The following VSTM2L variants were observed in gnomAD, a reference collection of about 807,000 sequenced individuals.
The protein encoded by VSTM2L is V-set and transmembrane domain containing 2 like.
VSTM2L carries 9 observed loss-of-function variants against 19.9 expected under a neutral mutation model. The ratio of observed to expected loss-of-function variants is 0.45; its 90% CI spans 0.27 to 0.79. The LOEUF (loss-of-function observed/expected upper bound fraction) is 0.79. VSTM2L is among the 30% of genes least tolerant of loss of function. VSTM2L has a pLI of 0.15. For synonymous variants in VSTM2L, 127 were observed against 133.8 expected, an observed-to-expected ratio of 0.95 and a Z score of 0.35; for missense variants, 286 against 295.5, an observed-to-expected ratio of 0.97 and a Z score of 0.24.
chr20:37,941,948 CAAAAA>C (rs1401689888), intron 3 of VSTM2L, among the ~76,000 whole-genome samples: 1 of 146,372 alleles, frequency 6.8e-6, no homozygotes, highest in Non-Finnish European at 1.5e-5. Context: ...GGAAAAGTTT[CAAAAA>C]TAGGTCATTA....
At chr20:37,914,357 G>GGGGA (rs1568835215) in intron 1 of VSTM2L, among the ~76,000 whole-genome samples, 1 of 148,766 alleles carries the variant, frequency 6.7e-6, no homozygotes, top group Non-Finnish European at 1.5e-5. Context: ...ATGTGTGTGG[G>GGGGA]GTGTTTATAT....
intron 3 of VSTM2L, among the ~76,000 whole-genome samples, chr20:37,934,556 C>T (rs931384148): frequency 2.0e-5 from 3 of 152,164 alleles, no homozygotes; most frequent in South Asian, 2.1e-4. Context: ...TCCTCGCATG[C>T]GCATGGCGGG....
At chr20:37,916,486 C>T (rs187895921) in intron 1 of VSTM2L, among the ~76,000 whole-genome samples, 1 of 152,366 alleles carries the variant, frequency 6.6e-6, no homozygotes, top group East Asian at 1.9e-4. Context: ...CCTTAAATCT[C>T]CCTAGATTTG....
intron 1 of VSTM2L, among the ~76,000 whole-genome samples, chr20:37,930,210 A>G (rs2072900682): frequency 1.3e-5 from 2 of 152,204 alleles, no homozygotes; most frequent in Admixed American, 1.3e-4. Flanking sequence ...CAGAGGAGAA[A>G]CGGCAGAAGT....
chr20:37,929,067 G>T (rs528283442), intron 1 of VSTM2L, among the ~76,000 whole-genome samples: 43 of 152,326 alleles, frequency 2.8e-4, no homozygotes, highest in Non-Finnish European at 5.3e-4. Flanking sequence ...TGATGATGGC[G>T]TTGGAGGGAA....
chr20:37,903,227 G>A lies in VSTM2L; in HGVS notation c.-124G>A. On this transcript the variant is annotated 5_prime_UTR_variant, in exon 1 of 4. Transcript: ENST00000373461. Reference sequence around the variant, plus strand: ...GAGCTGGGCCGGGTCCGGGGACAGCGGGCGAGGGGCAGCTGCCGGAGCCGG... The same window carrying A: ...GAGCTGGGCCGGGTCCGGGGACAGCAGGCGAGGGGCAGCTGCCGGAGCCGG... 4.2e-6 allele frequency: 5 copies of A among 1,181,872 alleles called. No homozygotes were observed. The highest frequency in any genetic ancestry group is 6.5e-4 in the Middle Eastern group (2 of 3,084). 73.2% of individuals were successfully genotyped at this position (1,181,872 alleles called of 1,614,324 possible).
chr20:37,920,763 G>T (rs1015878879), intron 1 of VSTM2L, among the ~76,000 whole-genome samples: 5 of 152,204 alleles, frequency 3.3e-5, no homozygotes, highest in African/African-American at 1.2e-4. Flanking sequence ...CTCCAATCTG[G>T]CACATAGTAG....
In VSTM2L at chr20:37,903,372, G is replaced by A. The variant is rs1203422976; in HGVS notation, c.22G>A (p.Ala8Thr). The A allele has an allele frequency of 4.1e-6, 6 of 1,480,798 alleles. No individual in the cohort carries two copies. The Admixed American group carries it at 1.2e-4, about 29-fold the overall frequency. 91.7% of individuals were successfully genotyped at this position (1,480,798 alleles called of 1,614,324 possible). Residue 8 changes from alanine to threonine, a missense_variant, in exon 1 of 4, where the codon GCG becomes ACG. Transcript: ENST00000373461. ...CACGATGGGGGCCCCGCTCGCCGTA[G>A]CGCTGGGCGCCCTCCACTACCTGGC... MGAPLAVALGALHYLALF... is the reference protein window; with the variant it reads MGAPLAVTLGALHYLALF...
In VSTM2L at chr20:37,919,612, G is replaced by A. The variant is rs578030247; in HGVS notation, c.122-12023G>A. Among the ~76,000 whole-genome samples the A allele has an allele frequency of 1.1e-3, 175 of 152,336 alleles. 1 individual carries two copies. In the South Asian group the frequency reaches 0.013, roughly 12 times the overall value. On this transcript the variant is annotated intron_variant, in intron 1 of 3. Coordinates refer to ENST00000373461, the MANE Select transcript of VSTM2L (RefSeq NM_080607.3). Reference sequence around the variant, plus strand: ...GGGAGAGCTCTTACTCTGCTTCCCAGCTGGGAGGCAAGGTGGCCACAGGCC... The same window carrying A: ...GGGAGAGCTCTTACTCTGCTTCCCAACTGGGAGGCAAGGTGGCCACAGGCC...
chr20:37,907,979 T>G (rs1164126093), intron 1 of VSTM2L, among the ~76,000 whole-genome samples: 1 of 152,214 alleles, frequency 6.6e-6, no homozygotes, highest in Non-Finnish European at 1.5e-5. Flanking sequence ...AATTGAGTCC[T>G]GTCTTCCAAA....
intron 3 of VSTM2L, among the ~76,000 whole-genome samples, chr20:37,934,061 AGCCACACTCTGTAAGAAGG>A (rs1010874771): frequency 2.0e-5 from 3 of 152,246 alleles, no homozygotes; most frequent in African/African-American, 7.2e-5. Flanking sequence ...ATTTGTCAAT[AGCCACACTCTGTAAGAAGG>A]GCCAAGCATT....
chr20:37,934,068 C>T (rs2072926097), intron 3 of VSTM2L, among the ~76,000 whole-genome samples: 1 of 152,378 alleles, frequency 6.6e-6, no homozygotes, highest in Non-Finnish European at 1.5e-5. Context: ...AATAGCCACA[C>T]TCTGTAAGAA....
At position 37,944,270 on chromosome 20, in the gene VSTM2L, C is replaced by T. The variant is rs2072994250; in HGVS notation, c.*17C>T. The T allele has an allele frequency of 2.0e-6, 3 of 1,470,202 alleles. No homozygotes were observed. The highest frequency in any genetic ancestry group is 2.7e-6 in the Non-Finnish European group (3 of 1,103,374). 91.1% of individuals were successfully genotyped at this position (1,470,202 alleles called of 1,614,324 possible). A position where few individuals can be genotyped will look rare whatever the true frequency, so the allele number is the denominator to read the frequency against. On this transcript the variant is annotated 3_prime_UTR_variant, in exon 4 of 4. Coordinates refer to ENST00000373461, the MANE Select transcript of VSTM2L (RefSeq NM_080607.3). ...AGCCTCTAGACTGATGCCCCTGCCCCCGCCCATCCGCCCCCACGCTGTACA... is the reference window on the plus strand; with the variant it reads ...AGCCTCTAGACTGATGCCCCTGCCCTCGCCCATCCGCCCCCACGCTGTACA...
Position 37,903,437 on chromosome 20 carries a change from C to T in VSTM2L, c.87C>T (p.Gly29=), listed in dbSNP as rs1393301432. 2 of 1,487,178 alleles carry T rather than the reference C, an allele frequency of 1.3e-6. No individual in the cohort carries two copies. Among genetic ancestry groups the T allele is most frequent in the Non-Finnish European group, 1.8e-6 (2 of 1,125,176 alleles). The allele number at this position is 1,487,178 out of a possible 1,614,324, so 92.1% of individuals were successfully genotyped here. Residue 29 remains glycine (G), a synonymous_variant, in exon 1 of 4, where the codon GGC becomes GGT. Transcript: ENST00000373461. ...LQLGGATRPA[G]HAPWDNHVSG... is the part of the protein sequence containing the mutation. ...TCGGCGGCGCCACGCGGCCCGCCGG[C>T]CACGCGCCCTGGGACAACCACGTCT...
chr20:37,905,535 G>A (rs2072747307), intron 1 of VSTM2L, among the ~76,000 whole-genome samples: 1 of 152,132 alleles, frequency 6.6e-6, no homozygotes, highest in Non-Finnish European at 1.5e-5. Flanking sequence ...CCAGGACAGG[G>A]GCTAGATGAG....
intron 3 of VSTM2L, among the ~76,000 whole-genome samples, chr20:37,941,522 G>T (rs1291891085): frequency 6.6e-6 from 1 of 152,228 alleles, no homozygotes; most frequent in African/African-American, 2.4e-5. Flanking sequence ...AGAAACATCT[G>T]CAGGCTGCAT....
At chr20:37,924,444 C>T (rs1184658004) in intron 1 of VSTM2L, among the ~76,000 whole-genome samples, 2 of 150,688 alleles carry the variant, frequency 1.3e-5, no homozygotes, top group African/African-American at 4.9e-5. Flanking sequence ...TCCCAAGCTA[C>T]TCGAGAGGCT....
At chr20:37,925,874 G>A (rs902268169) in intron 1 of VSTM2L, among the ~76,000 whole-genome samples, 5 of 152,080 alleles carry the variant, frequency 3.3e-5, no homozygotes, top group African/African-American at 4.8e-5. Flanking sequence ...CCCTGCTCCC[G>A]GCTCTACTAC....
chr20:37,929,549 G>A (rs979968279), intron 1 of VSTM2L, among the ~76,000 whole-genome samples: 1 of 152,210 alleles, frequency 6.6e-6, no homozygotes, highest in Non-Finnish European at 1.5e-5. Context: ...AACGCCCTGG[G>A]AGAGTGGTGA....
Sources: gnomAD v4.1 joint callset for allele counts (sites outside exome capture counted in the v4.1 genomes callset) on GRCh38, gnomAD v4.1.1 for gene constraint, MANE v1.5 for transcripts, NCBI Gene and HGNC (gene_info 2026-07-23, HGNC 2026-07-21) for gene names.